Variants in LMNA observed in about 807,000 individuals in gnomAD.
The protein encoded by LMNA is lamin.
In LMNA, 20 loss-of-function variants were observed where a neutral mutation model predicts 70.4. The ratio of observed to expected loss-of-function variants is 0.28; its 90% confidence interval spans 0.20 to 0.41. The LOEUF (loss-of-function observed/expected upper bound fraction) is 0.41. Among genes scored for constraint, LMNA ranks in the 10% least tolerant of loss-of-function variants. The pLI is 1.00. For missense variants in LMNA, 652 were observed against 917.2 expected (o/e 0.71, Z 3.73); for synonymous variants, 339 against 372.8 (o/e 0.91, Z 1.04).
chr1:156,129,788 A>C, intron 1 of LMNA: 3 of 731,448 alleles, frequency 4.1e-6, no homozygotes, highest in Non-Finnish European at 7.6e-6. Flanking sequence ...GCGCTGTTCG[A>C]CTGGTTATAG....
intron 1 of LMNA, among the ~76,000 whole-genome samples, chr1:156,127,374 C>T (rs1650674994): frequency 6.6e-6 from 1 of 152,148 alleles, no homozygotes; most frequent in Non-Finnish European, 1.5e-5. Context: ...CTAAGAAAAC[C>T]ACAAAGGTTC....
At chr1:156,119,860 A>G (rs1650074870) in intron 1 of LMNA, among the ~76,000 whole-genome samples, 1 of 152,108 alleles carries the variant, frequency 6.6e-6, no homozygotes, top group African/African-American at 2.4e-5. Flanking sequence ...TGCATCCTGG[A>G]GTCCCTTGCC....
intron 1 of LMNA, among the ~76,000 whole-genome samples, chr1:156,125,631 G>C (rs1650505833): frequency 6.6e-6 from 1 of 152,166 alleles, no homozygotes; most frequent in South Asian, 2.1e-4. Flanking sequence ...GGAGGTTGCA[G>C]GGAGCCGAGA....
chr1:156,088,387 T>C (rs1648562462), intron 2 of LMNA, among the ~76,000 whole-genome samples: 1 of 152,234 alleles, frequency 6.6e-6, no homozygotes, highest in Non-Finnish European at 1.5e-5. Flanking sequence ...AATGAGAATA[T>C]GGAATAAAAT....
At chr1:156,122,623 C>T (rs941140724) in intron 1 of LMNA, among the ~76,000 whole-genome samples, 4 of 152,150 alleles carry the variant, frequency 2.6e-5, no homozygotes, top group African/African-American at 7.2e-5. Flanking sequence ...CCCTTCTGGA[C>T]GGTGGAAAGG....
chr1:156,139,183 A>C lies in LMNA; in HGVS notation c.*77A>C. 6.2e-7 allele frequency: 1 copy of C among 1,609,262 alleles called. No individual in the cohort carries two copies. Among genetic ancestry groups the C allele is most frequent in the Non-Finnish European group, 8.5e-7 (1 of 1,178,780 alleles). ...ACCTCATGCCCACCCCCTGCCCTGCACGTCATGGGAGGGGGCTTGAAGCCA... is the reference window on the plus strand; with the variant it reads ...ACCTCATGCCCACCCCCTGCCCTGCCCGTCATGGGAGGGGGCTTGAAGCCA... On this transcript the variant is annotated 3_prime_UTR_variant, in exon 12 of 12. Coordinates refer to ENST00000368300, the MANE Select transcript of LMNA (RefSeq NM_170707.4).
At chr1:156,126,281 C>A in intron 1 of LMNA, 1 of 1,289,470 alleles carries the variant, frequency 7.8e-7, no homozygotes, top group Non-Finnish European at 1.0e-6. Context: ...GGGCCAGCTC[C>A]TCCACCTCCC....
intron 2 of LMNA, among the ~76,000 whole-genome samples, chr1:156,086,528 G>A (rs1268064550): frequency 6.6e-6 from 1 of 152,204 alleles, no homozygotes; most frequent in Admixed American, 6.5e-5. Context: ...AGGCTGCAGG[G>A]CAGGAAAGGT....
chr1:156,099,932 A>T (rs192849504), intron 3 of LMNA, among the ~76,000 whole-genome samples: 24 of 151,868 alleles, frequency 1.6e-4, no homozygotes, highest in Admixed American at 2.6e-4. Flanking sequence ...TAATCAAAAT[A>T]TCCAAGACTT....
At position 156,137,557 on chromosome 1, in the gene LMNA, A is replaced by G; in HGVS notation, c.1609-97A>G. ...GTAAGCAGCAGGCCGGACAAAGGGC[A>G]GGCCACAAGAAAAGTTGCAGGTGGT... On this transcript the variant is annotated intron_variant, in intron 9 of 11. Coordinates refer to ENST00000368300, the MANE Select transcript of LMNA (RefSeq NM_170707.4). This position sits in a 1 kb window ranked among gnomAD's most constrained non-coding sequence, Gnocchi z 4.6. 1 of 1,121,630 alleles carries G rather than the reference A, an allele frequency of 8.9e-7. No homozygotes were observed. Among genetic ancestry groups the G allele is most frequent in the Non-Finnish European group, 1.3e-6 (1 of 762,924 alleles). 69.5% of individuals were successfully genotyped at this position (1,121,630 alleles called of 1,614,324 possible).
intron 1 of LMNA, among the ~76,000 whole-genome samples, chr1:156,124,904 C>A (rs1650449658): frequency 6.6e-6 from 1 of 152,192 alleles, no homozygotes; most frequent in African/African-American, 2.4e-5. Flanking sequence ...CCCAGACTGT[C>A]TTACTGGGTC....
chr1:156,122,919 T>C (rs1650296135), intron 1 of LMNA, among the ~76,000 whole-genome samples: 1 of 151,164 alleles, frequency 6.6e-6, no homozygotes, highest in Non-Finnish European at 1.5e-5. Context: ...GGAAGGGGAG[T>C]CCTCCCTTCA....
At chr1:156,083,502 C>T (rs1648350772) in intron 2 of LMNA, 1 of 152,464 alleles carries the variant, frequency 6.6e-6, no homozygotes, top group African/African-American at 2.4e-5. Context: ...CACCTCTCTC[C>T]CATTGAAAAC....
chr1:156,137,392 A>T lies in LMNA; in HGVS notation c.1608+160A>T. On this transcript the variant is annotated intron_variant, in intron 9 of 11. Coordinates refer to ENST00000368300, the MANE Select transcript of LMNA (RefSeq NM_170707.4). This position sits in a 1 kb window ranked among gnomAD's most constrained non-coding sequence, Gnocchi z 4.6. ...CTCCACCCAGTAGGCAAACCAAAAG[A>T]TGCTTCCTCAACAGCACAAGGGGTG... 1.1e-6 allele frequency: 1 copy of T among 942,220 alleles called. No homozygotes were observed. The highest frequency in any genetic ancestry group is 1.6e-6 in the Non-Finnish European group (1 of 614,514). 58.4% of individuals were successfully genotyped at this position (942,220 alleles called of 1,614,324 possible).
At position 156,136,917 on chromosome 1, in the gene LMNA, G is replaced by T. The variant is rs752880523; in HGVS notation, c.1381-4G>T. ...GACCTTCCTCTTCCCTATCTTCCCG[G>T]CAGGACCAGTCCATGGGCAATTGGC... is the stretch of plus-strand genomic sequence containing the variant. On this transcript the variant is annotated splice_polypyrimidine_tract_variant and splice_region_variant and intron_variant, in intron 7 of 11. Coordinates refer to ENST00000368300, the MANE Select transcript of LMNA (RefSeq NM_170707.4). The surrounding 1 kb of genome is among the most constrained non-coding windows in gnomAD (Gnocchi z 6.1). The T allele has an allele frequency of 1.9e-6, 3 of 1,612,714 alleles. No individual in the cohort carries two copies. The highest frequency in any genetic ancestry group is 2.5e-6 in the Non-Finnish European group (3 of 1,179,340).
chr1:156,130,905 G>C lies in LMNA; in HGVS notation c.513+132G>C, dbSNP rs1651005818. On this transcript the variant is annotated intron_variant, in intron 2 of 11. Transcript: ENST00000368300. ...ATTTCAGAGCCATTCACCTGTCCTA[G>C]AGTCATTTTACCCACTGAGGTCACA... 1.4e-5 allele frequency: 12 copies of C among 877,194 alleles called. No individual in the cohort carries two copies. In the South Asian group the frequency reaches 1.8e-4, roughly 13 times the overall value. 54.3% of individuals were successfully genotyped at this position (877,194 alleles called of 1,614,324 possible).
rs1338998539 is a variant in LMNA, at chr1:156,139,618, CG to C, written c.*515del. 1.4e-6 allele frequency: 2 copies of C among 1,432,686 alleles called. No homozygotes were observed. Among genetic ancestry groups the C allele is most frequent in the African/African-American group, 2.9e-5 (2 of 68,558 alleles). 88.7% of individuals were successfully genotyped at this position (1,432,686 alleles called of 1,614,324 possible). On this transcript the variant is annotated 3_prime_UTR_variant, in exon 12 of 12. Coordinates refer to ENST00000368300, the MANE Select transcript of LMNA (RefSeq NM_170707.4). ...GAGAGAGAGAGAGGACAGCTTGAGCCGGGCCCCTGGGCTTGGCCTGCTGTGA... is the reference window on the plus strand; with the variant it reads ...GAGAGAGAGAGAGGACAGCTTGAGCCGGCCCCTGGGCTTGGCCTGCTGTGA...
intron 2 of LMNA, among the ~76,000 whole-genome samples, chr1:156,084,735 G>A (rs1237775475): frequency 2.6e-5 from 4 of 152,224 alleles, no homozygotes; most frequent in African/African-American, 9.6e-5. Flanking sequence ...GTCTTATTGT[G>A]TGCTAGGCAT....
chr1:156,121,360 G>A (rs1304828068), intron 1 of LMNA, among the ~76,000 whole-genome samples: 1 of 151,976 alleles, frequency 6.6e-6, no homozygotes, highest in African/African-American at 2.4e-5. Context: ...TGATTCAAAG[G>A]GAAAGAAGAA....
Sources: allele counts gnomAD v4.1 joint callset (sites outside exome capture counted in the v4.1 genomes callset), GRCh38; gene constraint gnomAD v4.1.1; non-coding constraint Gnocchi (gnomAD v3.1); transcripts MANE v1.5; gene names NCBI Gene and HGNC (gene_info 2026-07-23, HGNC 2026-07-21).